The following SPAG16 variants were observed in gnomAD, a reference collection of about 807,000 sequenced individuals.
SPAG16 encodes the protein sperm-associated antigen 16 protein.
In SPAG16, 86 loss-of-function variants were observed where a neutral mutation model predicts 80.4. The ratio of observed to expected loss-of-function variants is 1.07; its 90% CI spans 0.90 to 1.28. The LOEUF (loss-of-function observed/expected upper bound fraction) is 1.28, where lower values mean the gene tolerates loss of function less well. SPAG16 is among the 50% of genes most tolerant of loss of function. SPAG16 has a pLI of 0.00. For missense variants in SPAG16, 870 were observed against 765.3 expected, an observed-to-expected ratio of 1.14 and a Z score of -1.61; for synonymous variants, 294 against 265.9, an observed-to-expected ratio of 1.11 and a Z score of -1.03.
chr2:213,722,945 G>A (rs2066595531), intron 10 of SPAG16, among the ~76,000 whole-genome samples: 1 of 152,098 alleles, frequency 6.6e-6, no homozygotes, highest in Non-Finnish European at 1.5e-5. Context: ...TGGGGGTTCT[G>A]GCCTCATGAT....
intron 15 of SPAG16, among the ~76,000 whole-genome samples, chr2:214,174,765 G>T (rs1158858276): frequency 6.6e-6 from 1 of 151,652 alleles, no homozygotes; most frequent in Non-Finnish European, 1.5e-5. Flanking sequence ...AGGTCACTCT[G>T]GGCATAAACA....
At chr2:214,069,809 A>T (rs1210534154) in intron 13 of SPAG16, among the ~76,000 whole-genome samples, 3 of 152,088 alleles carry the variant, frequency 2.0e-5, no homozygotes, top group African/African-American at 7.2e-5. Context: ...TTTTATTAAA[A>T]ATCTCAGAAT....
At chr2:214,248,303 T>G (rs1201027137) in intron 15 of SPAG16, among the ~76,000 whole-genome samples, 1 of 106,204 alleles carries the variant, frequency 9.4e-6, no homozygotes, top group Non-Finnish European at 2.0e-5. Context: ...TTATTATTAT[T>G]ATTATTATTA....
chr2:213,462,869 G>A (rs934573784), intron 9 of SPAG16, among the ~76,000 whole-genome samples: 3 of 152,134 alleles, frequency 2.0e-5, no homozygotes, highest in African/African-American at 7.2e-5. Context: ...ACAGAGAGTG[G>A]GTGCTGCTAT....
chr2:213,756,301 T>C (rs1820568), intron 10 of SPAG16, among the ~76,000 whole-genome samples: 135,417 of 152,112 alleles, frequency 0.89, 62,432 homozygotes, highest in East Asian at 1. Context: ...GCCAACGTGG[T>C]AAAACCCCGT....
chr2:213,695,378 C>T lies in SPAG16; in HGVS notation c.1071-167107C>T, dbSNP rs147786814. On this transcript the variant is annotated intron_variant, in intron 10 of 15. Transcript: ENST00000331683. ...CTTCAACTATGCTTATTATACTATC[C>T]GCTAAACTGTCCTTATTTTTCATTC... Among the ~76,000 whole-genome samples the T allele has an allele frequency of 1.6e-3, 237 of 152,170 alleles. 4 individuals are homozygous for T. In the East Asian group the frequency reaches 0.037, roughly 24 times the overall value.
chr2:213,812,536 G>C (rs1267974573), intron 10 of SPAG16, among the ~76,000 whole-genome samples: 1 of 152,200 alleles, frequency 6.6e-6, no homozygotes, highest in Admixed American at 6.5e-5. Context: ...TTACCTGGTA[G>C]CAGATGTATG....
intron 15 of SPAG16, among the ~76,000 whole-genome samples, chr2:214,352,694 A>G (rs1231061236): frequency 1.3e-5 from 2 of 152,066 alleles, no homozygotes; most frequent in Non-Finnish European, 2.9e-5. Flanking sequence ...TTTAAAGTAT[A>G]CATAAAAAAT....
At chr2:213,825,707 T>TTTTTTTTTTTTTTTTTTTTTTTTC in intron 10 of SPAG16, among the ~76,000 whole-genome samples, 1 of 28,332 alleles carries the variant, frequency 3.5e-5, no homozygotes, top group African/African-American at 6.0e-5. Context: ...CTTTCTTTTT[T>TTTTTTTTTTTTTTTTTTTTTTTTC]TTTTTTTTTT....
chr2:214,318,704 T>G (rs1481814129), intron 15 of SPAG16, among the ~76,000 whole-genome samples: 4 of 152,062 alleles, frequency 2.6e-5, no homozygotes, highest in Non-Finnish European at 4.4e-5. Flanking sequence ...ACAATCAGGC[T>G]TTATAGTGCT....
intron 5 of SPAG16, among the ~76,000 whole-genome samples, chr2:213,322,544 G>A (rs535087158): frequency 6.6e-6 from 1 of 151,904 alleles, no homozygotes; most frequent in South Asian, 2.1e-4. Flanking sequence ...TCTTCCCTTA[G>A]CATCTGTGAC....
chr2:213,322,215 A>G (rs1418607425), intron 5 of SPAG16, among the ~76,000 whole-genome samples: 3 of 151,414 alleles, frequency 2.0e-5, no homozygotes, highest in African/African-American at 7.3e-5. Context: ...CAAAAGATTT[A>G]CTTTGGTCTG....
chr2:213,354,336 G>A lies in SPAG16; in HGVS notation c.762+3691G>A, dbSNP rs184505248. On this transcript the variant is annotated intron_variant, in intron 7 of 15. Transcript: ENST00000331683. Reference sequence around the variant, plus strand: ...AGTCCTTGCTATTGTGAACGGTGCCGCAATAAACATACATGTGCATGTATC... The same window carrying A: ...AGTCCTTGCTATTGTGAACGGTGCCACAATAAACATACATGTGCATGTATC... Among the ~76,000 whole-genome samples, 488 of 152,200 alleles carry A rather than the reference G, an allele frequency of 3.2e-3. 1 individual carries two copies. Among genetic ancestry groups the A allele is most frequent in the Non-Finnish European group, 5.7e-3 (388 of 68,022 alleles).
At chr2:213,969,979 A>T (rs998551391) in intron 12 of SPAG16, among the ~76,000 whole-genome samples, 2 of 152,194 alleles carry the variant, frequency 1.3e-5, no homozygotes, top group Non-Finnish European at 2.9e-5. Flanking sequence ...TGGAGCCTGG[A>T]AAGTCTAAGA....
intron 12 of SPAG16, among the ~76,000 whole-genome samples, chr2:214,008,262 ACC>A (rs1213929196): frequency 1.3e-5 from 2 of 152,056 alleles, no homozygotes; most frequent in African/African-American, 2.4e-5. Context: ...CTATCTGTGC[ACC>A]CATTATAACT....
At chr2:214,100,979 TG>T (rs2052976885) in intron 13 of SPAG16, among the ~76,000 whole-genome samples, 1 of 152,136 alleles carries the variant, frequency 6.6e-6, no homozygotes, top group African/African-American at 2.4e-5. Context: ...TGGAATTCAT[TG>T]ATTAAGTAAG....
chr2:213,481,119 AACCTTTATAAG>A (rs2073726597), intron 9 of SPAG16, among the ~76,000 whole-genome samples: 1 of 152,224 alleles, frequency 6.6e-6, no homozygotes, highest in Admixed American at 6.5e-5. Flanking sequence ...AGGCAAATTT[AACCTTTATAAG>A]GCTTATTCTT....
At chr2:213,889,252 A>G (rs962686099) in intron 11 of SPAG16, among the ~76,000 whole-genome samples, 6 of 151,966 alleles carry the variant, frequency 3.9e-5, no homozygotes, top group African/African-American at 1.4e-4. Context: ...AACTTAAATC[A>G]CCTTCTATAT....
chr2:213,750,653 T>C (rs1268608284), intron 10 of SPAG16, among the ~76,000 whole-genome samples: 2 of 152,214 alleles, frequency 1.3e-5, no homozygotes, highest in Non-Finnish European at 2.9e-5. Flanking sequence ...ATTCAACCTT[T>C]TGTGCTGCAC....
Sources: allele counts gnomAD v4.1 joint callset (sites outside exome capture counted in the v4.1 genomes callset), GRCh38; gene constraint gnomAD v4.1.1; transcripts MANE v1.5; gene names NCBI Gene and HGNC (gene_info 2026-07-23, HGNC 2026-07-21).